EPB41L4B: variants seen among roughly 807,000 people sequenced by gnomAD.
EPB41L4B encodes erythrocyte membrane protein band 4.1 like 4B, also known as band 4.1-like protein 4B.
Under a neutral mutation model 112.5 loss-of-function variants are expected in EPB41L4B, and 30 were observed. That is an observed-to-expected ratio of 0.27 (90% CI 0.20 to 0.36). The LOEUF (loss-of-function observed/expected upper bound fraction) is 0.36, where lower values mean the gene tolerates loss of function less well. Among genes scored for constraint, EPB41L4B ranks in the 10% least tolerant of loss-of-function variants. The pLI is 1.00. For missense variants in EPB41L4B, 1,024 were observed against 1,133.3 expected, an observed-to-expected ratio of 0.90 and a Z score of 1.38; for synonymous variants, 408 against 439.7, an observed-to-expected ratio of 0.93 and a Z score of 0.90.
chr9:109,217,984 G>GTCTGTT (rs1833436285), intron 15 of EPB41L4B, among the ~76,000 whole-genome samples: 1 of 151,712 alleles, frequency 6.6e-6, no homozygotes, highest in Non-Finnish European at 1.5e-5. Flanking sequence ...TCTTGTAACA[G>GTCTGTT]ATTCCTGCTG....
intron 1 of EPB41L4B, among the ~76,000 whole-genome samples, chr9:109,291,357 AG>A (rs1836521638): frequency 6.6e-6 from 1 of 152,208 alleles, no homozygotes; most frequent in African/African-American, 2.4e-5. Flanking sequence ...GGTCTTGGCT[AG>A]GGTTGGGATA....
intron 11 of EPB41L4B, among the ~76,000 whole-genome samples, chr9:109,253,782 A>C (rs1834881677): frequency 6.6e-6 from 1 of 152,020 alleles, no homozygotes; most frequent in African/African-American, 2.4e-5. Context: ...CAAAACCTGC[A>C]ATTTAGGTAC....
At position 109,320,954 on chromosome 9, in the gene EPB41L4B, GC is replaced by G. The variant is rs1203250262; in HGVS notation, c.-509del. Reference sequence around the variant, plus strand: ...GCCCCGCCGAGCGCCCGCTCCCAAGGCGCCTTTTCCTGCGCCCGCAGCCCCC... The same window carrying G: ...GCCCCGCCGAGCGCCCGCTCCCAAGGGCCTTTTCCTGCGCCCGCAGCCCCC... On this transcript the variant is annotated 5_prime_UTR_variant, in exon 1 of 26. Coordinates refer to ENST00000374566, the MANE Select transcript of EPB41L4B (RefSeq NM_019114.5). The G allele has an allele frequency of 1.8e-5, 3 of 164,254 alleles. No homozygotes were observed. The highest frequency in any genetic ancestry group is 2.5e-5 in the Non-Finnish European group (2 of 78,868). 10.2% of individuals were successfully genotyped at this position (164,254 alleles called of 1,614,324 possible). A position where few individuals can be genotyped will look rare whatever the true frequency, so the allele number is the denominator to read the frequency against.
chr9:109,207,827 T>G, intron 18 of EPB41L4B, 97 bp downstream of exon 18: 1 of 1,487,820 alleles, frequency 6.7e-7, no homozygotes, highest in South Asian at 1.3e-5. Context: ...GGACCCTGAC[T>G]GACACAGCAT....
Position 109,213,762 on chromosome 9 carries a change from G to A in EPB41L4B, c.1690C>T (p.Leu564=), listed in dbSNP as rs367940262. The A allele has an allele frequency of 1.1e-5, 18 of 1,614,054 alleles. No individual in the cohort carries two copies. The African/African-American group carries it at 2.1e-4, about 19-fold the overall frequency. Residue 564 remains leucine, a synonymous_variant, in exon 17 of 26, where the codon CTG becomes TTG. Coordinates refer to ENST00000374566, the MANE Select transcript of EPB41L4B (RefSeq NM_019114.5). ...FSEAAAHLKK[L]ELETVKAAGP... ...GCAGCCTTCACAGTTTCCAGTTCCA[G>A]CTTCTTTAGATGGGCAGCGGCTTCA...
chr9:109,296,954 C>G (rs1200215070), intron 1 of EPB41L4B, among the ~76,000 whole-genome samples: 1 of 151,598 alleles, frequency 6.6e-6, no homozygotes, highest in South Asian at 2.1e-4. Context: ...CTGTATCACA[C>G]CCCCCACCCC....
intron 4 of EPB41L4B, among the ~76,000 whole-genome samples, chr9:109,266,622 T>C (rs1165559956): frequency 6.6e-6 from 1 of 152,158 alleles, no homozygotes; most frequent in African/African-American, 2.4e-5. Context: ...ATTTTCTTTT[T>C]CTTCTTCCCT....
chr9:109,176,919 A>G (rs1831865441), intron 24 of EPB41L4B, among the ~76,000 whole-genome samples: 1 of 152,190 alleles, frequency 6.6e-6, no homozygotes, highest in Non-Finnish European at 1.5e-5. Flanking sequence ...ATTTCCTCAC[A>G]TCTTAGGCAC....
intron 6 of EPB41L4B, among the ~76,000 whole-genome samples, chr9:109,259,801 A>G (rs774042009): frequency 3.3e-5 from 5 of 152,208 alleles, no homozygotes; most frequent in Non-Finnish European, 5.9e-5. Flanking sequence ...GCCTCCCTGC[A>G]GGGCCACTGT....
At chr9:109,225,555 G>C (rs1017452006) in intron 15 of EPB41L4B, among the ~76,000 whole-genome samples, 1 of 149,674 alleles carries the variant, frequency 6.7e-6, no homozygotes, top group Non-Finnish European at 1.5e-5. Flanking sequence ...ACCACAGTAG[G>C]GGGGAAACTT....
At chr9:109,253,781 CA>C (rs370048448) in intron 11 of EPB41L4B, among the ~76,000 whole-genome samples, 98 of 152,286 alleles carry the variant, frequency 6.4e-4, no homozygotes, top group African/African-American at 2.3e-3. Context: ...GCAAAACCTG[CA>C]ATTTAGGTAC....
chr9:109,280,827 T>C (rs1588204605), intron 1 of EPB41L4B, among the ~76,000 whole-genome samples: 2 of 150,616 alleles, frequency 1.3e-5, no homozygotes, highest in Admixed American at 6.6e-5. Flanking sequence ...CCCAACTCCA[T>C]AGGATGACTC....
chr9:109,311,298 G>C lies in EPB41L4B; in HGVS notation c.306+8843C>G, dbSNP rs1225984159. The stretch of plus-strand genomic sequence containing the variant: ...TAGAGCAAAGGAGATGCATTATCAG[G>C]CTGACTTCAACGCACCTGAGCGAAT... On this transcript the variant is annotated intron_variant, in intron 1 of 25. Transcript: ENST00000374566. Among the ~76,000 whole-genome samples the C allele has an allele frequency of 3.3e-5, 5 of 152,320 alleles. No homozygotes were observed. In the East Asian group the frequency reaches 9.6e-4, roughly 29 times the overall value.
Position 109,176,554 on chromosome 9 carries a change from G to T in EPB41L4B, c.2630C>A (p.Ala877Asp). The T allele has an allele frequency of 1.2e-6, 2 of 1,605,704 alleles. No individual in the cohort carries two copies. Among genetic ancestry groups the T allele is most frequent in the Middle Eastern group, 1.7e-4 (1 of 6,030 alleles). Residue 877 changes from alanine to aspartate, a missense_variant, in exon 25 of 26, where the codon GCC becomes GAC. Ala to Asp is a moderately radical substitution (Grantham distance 126). Transcript: ENST00000374566. ...GGAACCTGCTGACCTGACCTACCTGGCTGCCAGAGAAACAGGTTTCCGGGT... is the reference window on the plus strand; with the variant it reads ...GGAACCTGCTGACCTGACCTACCTGTCTGCCAGAGAAACAGGTTTCCGGGT... Reference protein sequence around the residue: ...YTTRKPVSLAASAETLRQELE... With the variant: ...YTTRKPVSLADSAETLRQELE...
chr9:109,208,174 C>T, intron 17 of EPB41L4B, 125 bp from the exon 18 acceptor site: 1 of 1,125,650 alleles, frequency 8.9e-7, no homozygotes, highest in South Asian at 1.6e-5. Flanking sequence ...GTGTCACCAA[C>T]TCCTTATATT....
At chr9:109,282,971 C>T (rs528007439) in intron 1 of EPB41L4B, among the ~76,000 whole-genome samples, 3 of 152,130 alleles carry the variant, frequency 2.0e-5, no homozygotes, top group Non-Finnish European at 2.9e-5. Flanking sequence ...CGTGAGCCAC[C>T]GCGCCCGGCC....
intron 2 of EPB41L4B, among the ~76,000 whole-genome samples, chr9:109,272,627 C>T (rs980245468): frequency 1.1e-4 from 16 of 152,036 alleles, no homozygotes; most frequent in African/African-American, 3.6e-4. Context: ...GTGGTGCATA[C>T]CTGTAGTCCT....
intron 25 of EPB41L4B, among the ~76,000 whole-genome samples, chr9:109,175,683 T>C (rs971091026): frequency 1.3e-5 from 2 of 152,100 alleles, no homozygotes; most frequent in Non-Finnish European, 2.9e-5. Context: ...AATACACATC[T>C]TTAAAGGCAC....
At chr9:109,281,505 C>T (rs1056638833) in intron 1 of EPB41L4B, among the ~76,000 whole-genome samples, 4 of 152,078 alleles carry the variant, frequency 2.6e-5, no homozygotes, top group African/African-American at 9.7e-5. Flanking sequence ...GAGTTCAAGA[C>T]CAGCCTGGCC....
Sources: allele counts gnomAD v4.1 joint callset (sites outside exome capture counted in the v4.1 genomes callset), GRCh38; gene constraint gnomAD v4.1.1; transcripts MANE v1.5; gene names NCBI Gene and HGNC (gene_info 2026-07-23, HGNC 2026-07-21).